SGCG: variants seen among roughly 807,000 people sequenced by gnomAD.
SGCG encodes the protein sarcoglycan gamma.
In SGCG, 26 loss-of-function variants were observed where a neutral mutation model predicts 29.3. The observed-to-expected ratio is 0.89, with a 90% CI of 0.65 to 1.23. SGCG has a LOEUF of 1.23. SGCG is among the 50% of genes most tolerant of loss of function. The probability of loss-of-function intolerance (pLI) is 0.00; values close to 1 mark genes in which losing one functional copy is unlikely to be tolerated. For synonymous variants in SGCG, 145 were observed against 129.7 expected, an observed-to-expected ratio of 1.12 and a Z score of -0.80; for missense variants, 353 against 356.0, an observed-to-expected ratio of 0.99 and a Z score of 0.07.
chr13:23,270,282 T>A (rs1880820912), intron 4 of SGCG, among the ~76,000 whole-genome samples: 1 of 152,218 alleles, frequency 6.6e-6, no homozygotes, highest in African/African-American at 2.4e-5. Context: ...CTCTAGAAGA[T>A]GGTAACAATT....
chr13:23,320,140 A>G (rs1359030533), intron 6 of SGCG, among the ~76,000 whole-genome samples: 1 of 152,206 alleles, frequency 6.6e-6, no homozygotes, highest in African/African-American at 2.4e-5. Context: ...TCTTAAATAA[A>G]TTGGTGTTTT....
intron 6 of SGCG, among the ~76,000 whole-genome samples, chr13:23,319,125 C>T (rs985459411): frequency 6.6e-6 from 1 of 152,104 alleles, no homozygotes; most frequent in Non-Finnish European, 1.5e-5. Context: ...TGGTGAAATC[C>T]CGTCTCTACT....
chr13:23,163,692 G>A, the SGCG span, among the ~76,000 whole-genome samples: 5 of 152,034 alleles, frequency 3.3e-5, no homozygotes, highest in South Asian at 2.1e-4. Flanking sequence ...TTTTTGTCTA[G>A]TAGACTTTAT....
intron 1 of SGCG, among the ~76,000 whole-genome samples, chr13:23,196,617 A>ATT (rs71185057): frequency 1.5e-4 from 22 of 151,634 alleles, no homozygotes; most frequent in African/African-American, 2.7e-4. Context: ...GTTTTATTGG[A>ATT]TTTTTTTCTG....
At chr13:23,169,383 GAA>G in the SGCG span, among the ~76,000 whole-genome samples, 5 of 138,570 alleles carry the variant, frequency 3.6e-5, no homozygotes, top group Admixed American at 7.2e-5. Flanking sequence ...TCACCCTGTG[GAA>G]AAAAAAAAAA....
intron 1 of SGCG, among the ~76,000 whole-genome samples, chr13:23,200,953 G>A (rs983112915): frequency 6.6e-6 from 1 of 152,132 alleles, no homozygotes; most frequent in Non-Finnish European, 1.5e-5. Context: ...CATGTCCGTC[G>A]GGGTGAGAAG....
In SGCG at chr13:23,228,433, T is replaced by TG. The variant is rs72168960; in HGVS notation, c.196-6178_196-6177insG. 9.3e-3 allele frequency among the ~76,000 whole-genome samples: 498 copies of TG among 53,740 alleles called. 3 individuals carry two copies. The highest frequency in any genetic ancestry group is 0.026 in the African/African-American group (468 of 17,908). 35.3% of individuals were successfully genotyped at this position (53,740 alleles called of 152,430 possible). A position where few individuals can be genotyped will look rare whatever the true frequency, so the allele number is the denominator to read the frequency against. On this transcript the variant is annotated intron_variant, in intron 2 of 7. Transcript: ENST00000218867. ...CAGGTCATCTTATGTCAATTCCTAC[T>TG]TTTTTTCTTTTTAAAAAATATTTTA... is the stretch of plus-strand genomic sequence containing the variant.
chr13:23,255,079 G>GGCATT (rs1397213848), intron 4 of SGCG, among the ~76,000 whole-genome samples: 1 of 152,182 alleles, frequency 6.6e-6, no homozygotes, highest in Non-Finnish European at 1.5e-5. Flanking sequence ...TCCCTACTGG[G>GGCATT]GCATTGCCTA....
At chr13:23,274,495 C>G (rs867039832) in intron 4 of SGCG, among the ~76,000 whole-genome samples, 2 of 148,886 alleles carry the variant, frequency 1.3e-5, no homozygotes, top group Admixed American at 6.8e-5. Context: ...CTCCACCCCC[C>G]AGGTGCAAGC....
chr13:23,315,075 G>C (rs574786189), intron 6 of SGCG, among the ~76,000 whole-genome samples: 15 of 152,338 alleles, frequency 9.8e-5, no homozygotes, highest in African/African-American at 3.6e-4. Flanking sequence ...GGCAGATAGG[G>C]ACGCTGTTTA....
chr13:23,216,286 A>G (rs1450607840), intron 2 of SGCG, among the ~76,000 whole-genome samples: 1 of 152,124 alleles, frequency 6.6e-6, no homozygotes, highest in Non-Finnish European at 1.5e-5. Context: ...CCAATAGAAC[A>G]CTATACTTTT....
At chr13:23,248,474 GC>G (rs1345004842) in intron 3 of SGCG, among the ~76,000 whole-genome samples, 1 of 152,186 alleles carries the variant, frequency 6.6e-6, no homozygotes, top group East Asian at 1.9e-4. Context: ...GTGGAGGCGG[GC>G]GGATCACGAG....
chr13:23,228,617 C>CCCACCCA, intron 2 of SGCG, among the ~76,000 whole-genome samples: 1 of 152,206 alleles, frequency 6.6e-6, no homozygotes, highest in African/African-American at 2.4e-5. Context: ...TCTCCCTCCT[C>CCCACCCA]CCACCCTCCA....
At chr13:23,316,833 T>C (rs931664816) in intron 6 of SGCG, among the ~76,000 whole-genome samples, 12 of 152,198 alleles carry the variant, frequency 7.9e-5, no homozygotes, top group African/African-American at 2.9e-4. Flanking sequence ...CTGGACACTT[T>C]GGGCTCCTCC....
chr13:23,313,142 T>C (rs1882667272), intron 6 of SGCG, among the ~76,000 whole-genome samples: 1 of 150,732 alleles, frequency 6.6e-6, no homozygotes, highest in Non-Finnish European at 1.5e-5. Context: ...GCACTGTTCA[T>C]ATTTTTCAGT....
chr13:23,251,700 G>A (rs1379641817), intron 4 of SGCG, among the ~76,000 whole-genome samples: 1 of 152,086 alleles, frequency 6.6e-6, no homozygotes, highest in Non-Finnish European at 1.5e-5. Context: ...CTCGAGCCTA[G>A]GAATTCAATT....
chr13:23,221,449 A>T (rs550478887), intron 2 of SGCG, among the ~76,000 whole-genome samples: 50 of 152,310 alleles, frequency 3.3e-4, no homozygotes, highest in African/African-American at 1.2e-3. Context: ...AATTTTAAAA[A>T]ATATATACTG....
At chr13:23,196,231 C>T (rs1877503002) in intron 1 of SGCG, among the ~76,000 whole-genome samples, 1 of 151,922 alleles carries the variant, frequency 6.6e-6, no homozygotes, top group Non-Finnish European at 1.5e-5. Flanking sequence ...TCCAGTTTTG[C>T]CCCAGTACAG....
At chr13:23,163,813 G>C in the SGCG span, among the ~76,000 whole-genome samples, 1 of 152,128 alleles carries the variant, frequency 6.6e-6, no homozygotes. Context: ...ATATTGAATT[G>C]AAGACAAAGG....
Sources: gnomAD v4.1 joint callset for allele counts (sites outside exome capture counted in the v4.1 genomes callset) on GRCh38, gnomAD v4.1.1 for gene constraint, MANE v1.5 for transcripts, NCBI Gene and HGNC (gene_info 2026-07-23, HGNC 2026-07-21) for gene names.